SH2D4A: variants seen among roughly 807,000 people sequenced by gnomAD.
SH2D4A encodes the protein SH2 domain-containing protein 4A.
In SH2D4A, 70 loss-of-function variants were observed where a neutral mutation model predicts 64.7. The observed-to-expected ratio is 1.08, with a 90% CI of 0.89 to 1.32. The LOEUF is 1.32. Ranked by LOEUF, SH2D4A falls within the 40% of genes most tolerant of loss-of-function variation. The pLI, the probability that SH2D4A is intolerant of heterozygous loss-of-function variation, is 0.00. For missense variants in SH2D4A, 706 were observed against 540.1 expected (o/e 1.31, Z -3.04); for synonymous variants, 268 against 200.7 (o/e 1.34, Z -2.83).
chr8:19,366,360 G>C (rs1463190729), intron 7 of SH2D4A, among the ~76,000 whole-genome samples: 3 of 152,042 alleles, frequency 2.0e-5, no homozygotes, highest in African/African-American at 7.2e-5. Flanking sequence ...CATTACTGTT[G>C]ACTGTGGTTA....
chr8:19,330,114 C>T (rs2052347068), intron 2 of SH2D4A, among the ~76,000 whole-genome samples: 1 of 152,198 alleles, frequency 6.6e-6, no homozygotes, highest in Non-Finnish European at 1.5e-5. Context: ...TCTAGCTCTA[C>T]ATCTTGCTAA....
intron 2 of SH2D4A, among the ~76,000 whole-genome samples, chr8:19,332,153 G>A (rs566315283): frequency 6.6e-6 from 1 of 151,992 alleles, no homozygotes; most frequent in Non-Finnish European, 1.5e-5. Context: ...AATAAAACCT[G>A]CTTTTTACCC....
rs566655314 is a variant in SH2D4A at position 19,395,664 on chromosome 8, G to C, written c.*1022G>C. 6.6e-6 allele frequency: 1 copy of C among 152,354 alleles called. No individual in the cohort carries two copies. The highest frequency in any genetic ancestry group is 2.4e-5 in the African/African-American group (1 of 41,556). 9.4% of individuals were successfully genotyped at this position (152,354 alleles called of 1,614,324 possible). On this transcript the variant is annotated 3_prime_UTR_variant, in exon 10 of 10. Coordinates refer to ENST00000265807, the MANE Select transcript of SH2D4A (RefSeq NM_022071.4). Reference sequence around the variant, plus strand: ...TTGGAGTGATGCAGCCGGAAGGGAAGGGACACCAAGGATCTCCGGCCACCA... The same window carrying C: ...TTGGAGTGATGCAGCCGGAAGGGAACGGACACCAAGGATCTCCGGCCACCA...
chr8:19,325,163 T>A (rs939674329), intron 2 of SH2D4A, among the ~76,000 whole-genome samples: 5 of 152,122 alleles, frequency 3.3e-5, no homozygotes, highest in African/African-American at 1.2e-4. Flanking sequence ...AAACCAGAAC[T>A]CCAGGAGCCA....
At chr8:19,331,231 G>A (rs3808643) in intron 2 of SH2D4A, among the ~76,000 whole-genome samples, 45,054 of 151,914 alleles carry the variant, frequency 0.3, 9,248 homozygotes, top group African/African-American at 0.59. Context: ...TCAAGAATAC[G>A]TTGGACAGAA....
intron 8 of SH2D4A, among the ~76,000 whole-genome samples, chr8:19,385,452 T>C (rs1585210414): frequency 6.6e-6 from 1 of 152,142 alleles, no homozygotes; most frequent in South Asian, 2.1e-4. Flanking sequence ...CCACCCACCT[T>C]GGCCTCCCAA....
rs993188900 is a variant in SH2D4A at position 19,394,866 on chromosome 8, C to G, written c.*224C>G. The G allele has an allele frequency of 2.1e-5, 8 of 375,930 alleles. No homozygotes were observed. The highest frequency in any genetic ancestry group is 3.8e-5 in the Non-Finnish European group (8 of 210,828). 23.3% of individuals were successfully genotyped at this position (375,930 alleles called of 1,614,324 possible). ...CTCTGCTCAAAAGGGAGAAGAGTCT[C>G]AATTTCAGCAAGTACCTGTCATGAA... On this transcript the variant is annotated 3_prime_UTR_variant, in exon 10 of 10. Transcript: ENST00000265807.
chr8:19,314,115 G>A (rs1244729070), intron 1 of SH2D4A: 8 of 1,140,612 alleles, frequency 7.0e-6, no homozygotes, highest in Non-Finnish European at 7.6e-6. Context: ...GGGCTTGCAG[G>A]GGGTGGCGGG....
intron 4 of SH2D4A, among the ~76,000 whole-genome samples, chr8:19,336,008 T>C (rs544175944): frequency 6.6e-6 from 1 of 152,322 alleles, no homozygotes; most frequent in Admixed American, 6.5e-5. Flanking sequence ...CATATGGGAA[T>C]ACAGGTATCT....
intron 7 of SH2D4A, among the ~76,000 whole-genome samples, chr8:19,372,675 C>A (rs182039145): frequency 6.6e-6 from 1 of 152,142 alleles, no homozygotes; most frequent in Non-Finnish European, 1.5e-5. Context: ...TTGAGTAGGA[C>A]TTGGAAGTCT....
At position 19,313,741 on chromosome 8, in the gene SH2D4A, T is replaced by TC. The variant is rs1290512355; in HGVS notation, c.-284dup. ...CGCTTGGGACGCCTCTGCCTTTCCC[T>TC]CCCTCCCTTCCCCGACGGCTTCTGG... is the stretch of plus-strand genomic sequence containing the variant. On this transcript the variant is annotated 5_prime_UTR_variant, in exon 1 of 10. Coordinates refer to ENST00000265807, the MANE Select transcript of SH2D4A (RefSeq NM_022071.4). 2.0e-6 allele frequency: 3 copies of TC among 1,507,874 alleles called. No homozygotes were observed. In the African/African-American group the frequency reaches 4.3e-5, roughly 22 times the overall value. 93.4% of individuals were successfully genotyped at this position (1,507,874 alleles called of 1,614,324 possible). A position where few individuals can be genotyped will look rare whatever the true frequency, so the allele number is the denominator to read the frequency against.
In SH2D4A at chr8:19,319,497, C is replaced by T; in HGVS notation, c.-51C>T. ...GCACAGGTGGAGGGACACCTGGAGG[C>T]CAGTTTCAGGAACTTTTGCCACAAG... On this transcript the variant is annotated 5_prime_UTR_variant, in exon 2 of 10. Coordinates refer to ENST00000265807, the MANE Select transcript of SH2D4A (RefSeq NM_022071.4). 1 of 1,410,780 alleles carries T rather than the reference C, an allele frequency of 7.1e-7. No individual in the cohort carries two copies. The highest frequency in any genetic ancestry group is 9.3e-7 in the Non-Finnish European group (1 of 1,076,284). The allele number at this position is 1,410,780 out of a possible 1,614,324, so 87.4% of individuals were successfully genotyped here.
intron 1 of SH2D4A, among the ~76,000 whole-genome samples, chr8:19,317,162 A>G (rs896433122): frequency 2.0e-5 from 3 of 152,188 alleles, no homozygotes; most frequent in Admixed American, 2.0e-4. Flanking sequence ...GAACTTAAGG[A>G]CATTTACTGG....
intron 6 of SH2D4A, 36 bp downstream of exon 6, chr8:19,361,350 C>T (rs1489086046): frequency 3.2e-6 from 5 of 1,556,328 alleles, no homozygotes; most frequent in Admixed American, 4.3e-5. Flanking sequence ...ACCTTCCAGG[C>T]TCTCAGCTGA....
chr8:19,354,935 C>T (rs1224196937), intron 4 of SH2D4A, among the ~76,000 whole-genome samples: 1 of 152,150 alleles, frequency 6.6e-6, no homozygotes, highest in Non-Finnish European at 1.5e-5. Context: ...AAACCTTGGT[C>T]CAGAACTCCA....
At chr8:19,362,932 C>G (rs755318130) in intron 6 of SH2D4A, among the ~76,000 whole-genome samples, 1 of 152,176 alleles carries the variant, frequency 6.6e-6, no homozygotes, top group Admixed American at 6.5e-5. Context: ...TTAACATTCA[C>G]TGAGCACTCA....
intron 2 of SH2D4A, among the ~76,000 whole-genome samples, chr8:19,327,234 A>G (rs1194147313): frequency 1.3e-5 from 2 of 152,194 alleles, no homozygotes; most frequent in African/African-American, 4.8e-5. Flanking sequence ...AGAGTCCTGC[A>G]GTGTATAAAC....
intron 5 of SH2D4A, chr8:19,360,812 G>A (rs1323394592): frequency 6.5e-6 from 1 of 154,088 alleles, no homozygotes; most frequent in Admixed American, 6.5e-5. Context: ...ATCCTTCAGG[G>A]AGTCAGTTTG....
intron 8 of SH2D4A, among the ~76,000 whole-genome samples, chr8:19,389,643 G>C (rs1003202837): frequency 3.3e-5 from 5 of 152,108 alleles, no homozygotes; most frequent in Admixed American, 2.0e-4. Flanking sequence ...GTCCTGGCCT[G>C]GATTCAACTC....
Sources: allele counts gnomAD v4.1 joint callset (sites outside exome capture counted in the v4.1 genomes callset), GRCh38; gene constraint gnomAD v4.1.1; transcripts MANE v1.5; gene names NCBI Gene and HGNC (gene_info 2026-07-23, HGNC 2026-07-21).